Variants in SLIT1 observed in about 807,000 individuals in gnomAD.
SLIT1 encodes slit homolog 1 protein.
SLIT1 carries 66 observed loss-of-function variants against 186.1 expected under a neutral mutation model. The ratio of observed to expected loss-of-function variants is 0.35; its 90% CI spans 0.29 to 0.44. SLIT1 has a LOEUF of 0.44. Among genes scored for constraint, SLIT1 ranks in the 20% least tolerant of loss-of-function variants. SLIT1 has a pLI of 1.00. For synonymous variants in SLIT1, 761 were observed against 833.8 expected (o/e 0.91, Z 1.50); for missense variants, 1,638 against 2,037.4 (o/e 0.80, Z 3.77).
chr10:97,108,011 C>T (rs1849430414), intron 4 of SLIT1, among the ~76,000 whole-genome samples: 1 of 152,224 alleles, frequency 6.6e-6, no homozygotes, highest in Non-Finnish European at 1.5e-5. Flanking sequence ...CTAAGAGACA[C>T]ACACACGTGC....
chr10:97,076,985 A>C (rs1449718977), intron 4 of SLIT1, among the ~76,000 whole-genome samples: 1 of 152,128 alleles, frequency 6.6e-6, no homozygotes, highest in Non-Finnish European at 1.5e-5. Flanking sequence ...ACAGGACGGA[A>C]CCGGGGGCCG....
At chr10:97,151,943 G>C (rs1338077053) in intron 4 of SLIT1, among the ~76,000 whole-genome samples, 1 of 152,114 alleles carries the variant, frequency 6.6e-6, no homozygotes, top group East Asian at 1.9e-4. Context: ...GTTGGGGAAG[G>C]GGGTGTGCTC....
At position 97,006,868 on chromosome 10, in the gene SLIT1, G is replaced by A; in HGVS notation, c.3342-148C>T. The A allele has an allele frequency of 1.6e-6, 1 of 632,178 alleles. No homozygotes were observed. The highest frequency in any genetic ancestry group is 2.7e-5 in the East Asian group (1 of 36,432). 39.2% of individuals were successfully genotyped at this position (632,178 alleles called of 1,614,324 possible). ...TGCTCCTAATAAACACTTTTCATGA[G>A]AGAGCTGAGAGCCAGAAGGATACCA... On this transcript the variant is annotated intron_variant, in intron 31 of 36. Transcript: ENST00000266058. This position sits in a 1 kb window ranked among gnomAD's most constrained non-coding sequence, Gnocchi z 4.0.
chr10:97,044,549 T>C (rs1372319918), intron 18 of SLIT1, among the ~76,000 whole-genome samples: 1 of 152,190 alleles, frequency 6.6e-6, no homozygotes. Flanking sequence ...TCAATGTTAC[T>C]ACTAATCAAA....
intron 27 of SLIT1, 83 bp from the exon 28 acceptor site, chr10:97,018,766 C>A: frequency 1.2e-6 from 1 of 824,170 alleles, no homozygotes; most frequent in Non-Finnish European, 2.0e-6. Context: ...CTCAGCAGCT[C>A]AGCCTCTCCC....
At chr10:97,099,467 C>T (rs1849328368) in intron 4 of SLIT1, among the ~76,000 whole-genome samples, 1 of 152,058 alleles carries the variant, frequency 6.6e-6, no homozygotes, top group Non-Finnish European at 1.5e-5. Context: ...GGGTGGGGGA[C>T]AGCAGGCAGT....
At chr10:97,031,893 C>T (rs1175987186) in intron 23 of SLIT1, among the ~76,000 whole-genome samples, 3 of 152,264 alleles carry the variant, frequency 2.0e-5, no homozygotes, top group Non-Finnish European at 4.4e-5. Flanking sequence ...CAATCAGTTC[C>T]CCCGACTGTA....
chr10:97,185,669 C>T lies in SLIT1; in HGVS notation c.6G>A (p.Ala2=), dbSNP rs1304891929. The T allele has an allele frequency of 2.6e-6, 4 of 1,527,268 alleles. No individual in the cohort carries two copies. The highest frequency in any genetic ancestry group is 4.0e-5 in the Admixed American group (2 of 49,596). The allele number at this position is 1,527,268 out of a possible 1,614,324, so 94.6% of individuals were successfully genotyped here. A position where few individuals can be genotyped will look rare whatever the true frequency, so the allele number is the denominator to read the frequency against. The change falls in exon 1 of 37, where the codon GCG becomes GCA. Residue 2 remains alanine (A), a synonymous_variant. Transcript: ENST00000266058. ...CCGAGGACCCCCACCCGGGAGTCAG[C>T]GCCATGGTGCCCTCACAGCGTCCCG... M[A]LTPGWGSSAG...
At chr10:97,063,315 G>A in intron 8 of SLIT1, 140 bp downstream of exon 8, 1 of 853,510 alleles carries the variant, frequency 1.2e-6, no homozygotes, top group South Asian at 1.6e-5. Flanking sequence ...AGGGTCAGGA[G>A]GTGATGGGTG....
At position 97,021,181 on chromosome 10, in the gene SLIT1, G is replaced by C. The variant is rs1416326831; in HGVS notation, c.2746+69C>G. ...TCACCACAGGGACGCAGGCATGTTA[G>C]GAAGGCCCTGCAGTGTTGGGCAAGT... On this transcript the variant is annotated intron_variant, in intron 26 of 36. Transcript: ENST00000266058. This position sits in a 1 kb window ranked among gnomAD's most constrained non-coding sequence, Gnocchi z 4.5. 1 of 1,487,672 alleles carries C rather than the reference G, an allele frequency of 6.7e-7. No individual in the cohort carries two copies. Among genetic ancestry groups the C allele is most frequent in the African/African-American group, 1.4e-5 (1 of 72,156 alleles). The allele number at this position is 1,487,672 out of a possible 1,614,324, so 92.2% of individuals were successfully genotyped here. A position where few individuals can be genotyped will look rare whatever the true frequency, so the allele number is the denominator to read the frequency against.
intron 1 of SLIT1, 97 bp from the exon 2 acceptor site, chr10:97,164,987 A>G: frequency 2.2e-6 from 2 of 900,522 alleles, no homozygotes; most frequent in Non-Finnish European, 3.7e-6. Context: ...TGGATCAGCC[A>G]GTCGTCTCAT....
At chr10:97,139,089 G>T (rs1257840261) in intron 4 of SLIT1, among the ~76,000 whole-genome samples, 6 of 152,190 alleles carry the variant, frequency 3.9e-5, no homozygotes, top group African/African-American at 1.2e-4. Flanking sequence ...CCATGCATCC[G>T]GAGAGGGAAG....
At chr10:97,034,391 C>G in intron 23 of SLIT1, 80 bp downstream of exon 23, 6 of 1,047,190 alleles carry the variant, frequency 5.7e-6, no homozygotes, top group Non-Finnish European at 9.0e-6. Context: ...GATCTGGGAG[C>G]AAAAAGCACA....
chr10:97,035,003 C>T (rs1435859825), intron 22 of SLIT1, among the ~76,000 whole-genome samples: 1 of 152,212 alleles, frequency 6.6e-6, no homozygotes, highest in African/African-American at 2.4e-5. Flanking sequence ...ATCCATGACT[C>T]TTGAAGGGTC....
intron 4 of SLIT1, among the ~76,000 whole-genome samples, chr10:97,079,096 G>A (rs984458517): frequency 6.6e-6 from 1 of 152,204 alleles, no homozygotes; most frequent in Non-Finnish European, 1.5e-5. Context: ...GTGTGACCTT[G>A]GGCAAGTTAC....
In SLIT1 at chr10:97,040,015, T is replaced by C; in HGVS notation, c.2270A>G (p.Lys757Arg). The C allele has an allele frequency of 1.9e-6, 3 of 1,613,780 alleles. No homozygotes were observed. Among genetic ancestry groups the C allele is most frequent in the Non-Finnish European group, 2.5e-6 (3 of 1,179,844 alleles). ...CSNKHLRALPKGIPKNVTELY... is the reference protein window; with the variant it reads ...CSNKHLRALPRGIPKNVTELY... Reference sequence around the variant, plus strand: ...TTCTGTGACATTCTTGGGAATGCCCTTGGGCAGGGCCCGCAGGTGCTTGTT... The same window carrying C: ...TTCTGTGACATTCTTGGGAATGCCCCTGGGCAGGGCCCGCAGGTGCTTGTT... The change falls in exon 21 of 37, where the codon AAG becomes AGG. Residue 757 changes from lysine to arginine, a missense_variant. Around this residue, in one of 3 missense-constraint regions of SLIT1, gnomAD observed 1,245 missense variants for 1,535.3 expected, o/e 0.81. Transcript: ENST00000266058.
rs544976799 is a variant in SLIT1 at position 97,011,459 on chromosome 10, A to ACTGC, written c.3204-330_3204-329insGCAG. Among the ~76,000 whole-genome samples, 20 of 152,192 alleles carry ACTGC rather than the reference A, an allele frequency of 1.3e-4. No individual in the cohort carries two copies. In the South Asian group the frequency reaches 4.2e-3, roughly 32 times the overall value. On this transcript the variant is annotated intron_variant, in intron 30 of 36. Coordinates refer to ENST00000266058, the MANE Select transcript of SLIT1 (RefSeq NM_003061.3). ...ACCAGCAACAGCACATCCAAGGCCA[A>ACTGC]CTGTCAGCCCCTTCCCCACCTCCCC...
chr10:97,024,799 T>C (rs1355171414), intron 25 of SLIT1, among the ~76,000 whole-genome samples: 1 of 152,220 alleles, frequency 6.6e-6, no homozygotes, highest in Non-Finnish European at 1.5e-5. Flanking sequence ...AGTTGAAAGA[T>C]GATTGGGAAT....
rs902500204 is a variant in SLIT1 at position 97,015,039 on chromosome 10, C to A, written c.2970-881G>T. Among the ~76,000 whole-genome samples the A allele has an allele frequency of 1.3e-5, 2 of 152,188 alleles. 1 individual carries two copies. Among genetic ancestry groups the A allele is most frequent in the Non-Finnish European group, 2.9e-5 (2 of 68,030 alleles). On this transcript the variant is annotated intron_variant, in intron 28 of 36. Transcript: ENST00000266058. ...TCAGTGACTTTCAAACCAAGATACA[C>A]CTTCCCCTGGGGCACCCAAGGTTTT...
Sources: allele counts gnomAD v4.1 joint callset (sites outside exome capture counted in the v4.1 genomes callset), GRCh38; gene constraint gnomAD v4.1.1; regional missense constraint gnomAD v4.1.1; non-coding constraint Gnocchi (gnomAD v3.1); transcripts MANE v1.5; gene names NCBI Gene and HGNC (gene_info 2026-07-23, HGNC 2026-07-21).